ATAD2B: variants seen among roughly 807,000 people sequenced by gnomAD.
ATAD2B encodes ATPase family AAA domain containing 2B.
In ATAD2B, 40 loss-of-function variants were observed where a neutral mutation model predicts 167.6. The ratio of observed to expected loss-of-function variants is 0.24; its 90% CI spans 0.19 to 0.31. ATAD2B has a LOEUF of 0.31. Among genes scored for constraint, ATAD2B ranks in the 10% least tolerant of loss-of-function variants. The pLI is 1.00. For missense variants in ATAD2B, 1,242 were observed against 1,757.2 expected (o/e 0.71, Z 5.24); for synonymous variants, 579 against 596.5 (o/e 0.97, Z 0.43).
downstream of ATAD2B, among the ~76,000 whole-genome samples, chr2:23,745,668 A>C (rs1309872285): frequency 6.6e-6 from 1 of 152,094 alleles, no homozygotes; most frequent in East Asian, 1.9e-4. Context: ...AACAGTACCT[A>C]CCTCCCACAG....
At chr2:23,745,415 A>AG (rs1553367894), downstream of ATAD2B, among the ~76,000 whole-genome samples, 2 of 96,124 alleles carry the variant, frequency 2.1e-5, no homozygotes, top group Admixed American at 9.8e-5. Context: ...GAAGGAAGGA[A>AG]GGAAGGAAAG....
chr2:23,870,630 CT>C (rs1695818001), intron 8 of ATAD2B, among the ~76,000 whole-genome samples: 1 of 148,172 alleles, frequency 6.7e-6, no homozygotes, highest in Non-Finnish European at 1.5e-5. Flanking sequence ...ATATCGGTCA[CT>C]GTTTGATAAA....
chr2:23,783,031 A>G lies in ATAD2B; in HGVS notation c.2974-3T>C, dbSNP rs1572730201. The stretch of plus-strand genomic sequence containing the variant: ...ATTACTTCAAGATAATCTGAAACCT[A>G]AAACAGATATTTTAATAAAAATTAC... On this transcript the variant is annotated splice_region_variant and splice_polypyrimidine_tract_variant and intron_variant, in intron 21 of 27. Coordinates refer to ENST00000238789, the MANE Select transcript of ATAD2B (RefSeq NM_017552.4). The G allele has an allele frequency of 5.6e-6, 8 of 1,426,654 alleles. No individual in the cohort carries two copies. Among genetic ancestry groups the G allele is most frequent in the Non-Finnish European group, 7.6e-6 (8 of 1,052,430 alleles). The allele number at this position is 1,426,654 out of a possible 1,614,324, so 88.4% of individuals were successfully genotyped here. A position where few individuals can be genotyped will look rare whatever the true frequency, so the allele number is the denominator to read the frequency against.
chr2:23,687,200 G>A, the ATAD2B span, among the ~76,000 whole-genome samples: 6 of 152,210 alleles, frequency 3.9e-5, no homozygotes, highest in African/African-American at 1.4e-4. Flanking sequence ...CCTTCTCTGG[G>A]ACCTCTGTCC....
chr2:23,715,537 G>T, the ATAD2B span, among the ~76,000 whole-genome samples: 1 of 151,718 alleles, frequency 6.6e-6, no homozygotes. Context: ...TGGCACAACT[G>T]CACTCCAGCC....
chr2:23,835,163 A>C (rs1689722896), intron 13 of ATAD2B, among the ~76,000 whole-genome samples: 1 of 152,230 alleles, frequency 6.6e-6, no homozygotes, highest in African/African-American at 2.4e-5. Context: ...TCCTCTGTTA[A>C]ACGTAAGAGT....
intron 1 of ATAD2B, among the ~76,000 whole-genome samples, chr2:23,907,935 T>A (rs1218258091): frequency 6.6e-6 from 1 of 152,026 alleles, no homozygotes; most frequent in Non-Finnish European, 1.5e-5. Context: ...TGGCTAGCCA[T>A]ATGTAGAAAG....
At chr2:23,809,692 C>T (rs1204326916) in intron 18 of ATAD2B, among the ~76,000 whole-genome samples, 1 of 152,104 alleles carries the variant, frequency 6.6e-6, no homozygotes, top group African/African-American at 2.4e-5. Flanking sequence ...ACAAAAATGG[C>T]TTAGATATGG....
At chr2:23,807,218 G>GA (rs1443513442) in intron 18 of ATAD2B, among the ~76,000 whole-genome samples, 2 of 152,048 alleles carry the variant, frequency 1.3e-5, no homozygotes, top group African/African-American at 2.4e-5. Context: ...ATCTAAAGCA[G>GA]AAAAAACATC....
At chr2:23,890,621 G>C (rs1434179551) in intron 2 of ATAD2B, among the ~76,000 whole-genome samples, 1 of 152,172 alleles carries the variant, frequency 6.6e-6, no homozygotes, top group Non-Finnish European at 1.5e-5. Flanking sequence ...AACTCAGCTT[G>C]ATCAGTTTAT....
the ATAD2B span, among the ~76,000 whole-genome samples, chr2:23,701,794 T>C: frequency 9.0e-5 from 3 of 33,200 alleles, no homozygotes; most frequent in African/African-American, 1.7e-4. Flanking sequence ...TTTTTTTTGC[T>C]TTTTTTTTTT....
chr2:23,754,814 G>C (rs754046874), intron 25 of ATAD2B, 40 bp from the exon 26 acceptor site: 1 of 1,587,070 alleles, frequency 6.3e-7, no homozygotes, highest in South Asian at 1.1e-5. Flanking sequence ...GCAAGTAAAA[G>C]TTAAGAAAAA....
intron 18 of ATAD2B, among the ~76,000 whole-genome samples, chr2:23,798,817 A>AT (rs1347006284): frequency 6.6e-6 from 1 of 152,224 alleles, no homozygotes; most frequent in Non-Finnish European, 1.5e-5. Flanking sequence ...AGAGCTTAAA[A>AT]TTAATGAACT....
intron 14 of ATAD2B, among the ~76,000 whole-genome samples, chr2:23,831,665 C>A (rs1044909627): frequency 9.2e-5 from 14 of 152,190 alleles, no homozygotes; most frequent in African/African-American, 3.1e-4. Context: ...CCAAAGATGT[C>A]CACCCATCAG....
At chr2:23,785,837 C>T (rs1031334360) in intron 21 of ATAD2B, 190 bp downstream of exon 21, 11 of 484,730 alleles carry the variant, frequency 2.3e-5, no homozygotes, top group Admixed American at 1.2e-4. Flanking sequence ...ATAAATTGGT[C>T]GCTAATTTCA....
intron 17 of ATAD2B, among the ~76,000 whole-genome samples, chr2:23,811,808 T>C (rs1376730011): frequency 6.6e-6 from 1 of 152,082 alleles, no homozygotes; most frequent in African/African-American, 2.4e-5. Context: ...GGTATTTTGT[T>C]ACAGCAGCAG....
chr2:23,729,809 T>C, the ATAD2B span, among the ~76,000 whole-genome samples: 2 of 152,160 alleles, frequency 1.3e-5, no homozygotes, highest in Non-Finnish European at 2.9e-5. Flanking sequence ...GGATAAAGAA[T>C]ATTACATGAT....
intron 17 of ATAD2B, 92 bp from the exon 18 acceptor site, chr2:23,810,594 T>A: frequency 2.1e-6 from 2 of 960,638 alleles, no homozygotes; most frequent in Non-Finnish European, 3.1e-6. Flanking sequence ...TAAAACAATT[T>A]AACTCCAAAT....
the ATAD2B span, among the ~76,000 whole-genome samples, chr2:23,699,445 C>A: frequency 0.53 from 80,466 of 152,038 alleles, 22,141 homozygotes; most frequent in East Asian, 0.79. Context: ...AGACCAGCCC[C>A]CAAGGAACCC....
Sources: gnomAD v4.1 joint callset for allele counts (sites outside exome capture counted in the v4.1 genomes callset) on GRCh38, gnomAD v4.1.1 for gene constraint, MANE v1.5 for transcripts, NCBI Gene and HGNC (gene_info 2026-07-23, HGNC 2026-07-21) for gene names.